The following NUP98 variants were observed in gnomAD, a reference collection of about 807,000 sequenced individuals.
NUP98 encodes the protein nucleoporin 98 and 96 precursor, also known as nuclear pore complex protein Nup98-Nup96.
In NUP98, 26 loss-of-function variants were observed where a neutral mutation model predicts 191.9. That is an observed-to-expected ratio of 0.14 (90% CI 0.10 to 0.19). The LOEUF is 0.19. NUP98 is among the 10% of genes least tolerant of loss of function. The pLI, the probability that NUP98 is intolerant of heterozygous loss-of-function variation, is 1.00. For missense variants in NUP98, 1,941 were observed against 2,178.8 expected (o/e 0.89, Z 2.17); for synonymous variants, 808 against 778.4 (o/e 1.04, Z -0.63).
At chr11:3,724,614 G>GAA (rs2079541349) in intron 15 of NUP98, among the ~76,000 whole-genome samples, 1 of 151,464 alleles carries the variant, frequency 6.6e-6, no homozygotes, top group South Asian at 2.1e-4. Context: ...CTAACAAGGT[G>GAA]AAACGCCGTC....
At chr11:3,722,619 G>C (rs2079446852) in intron 16 of NUP98, among the ~76,000 whole-genome samples, 1 of 152,056 alleles carries the variant, frequency 6.6e-6, no homozygotes, top group South Asian at 2.1e-4. Flanking sequence ...TTGAGCCCAG[G>C]ATTTTGAGAC....
chr11:3,721,701 AAGGG>A (rs1380746286), intron 16 of NUP98, among the ~76,000 whole-genome samples: 1 of 150,976 alleles, frequency 6.6e-6, no homozygotes, highest in Non-Finnish European at 1.5e-5. Flanking sequence ...ACTCGGAAGG[AAGGG>A]AGGGAGGGAG....
chr11:3,679,113 A>T (rs1406982782), intron 31 of NUP98, among the ~76,000 whole-genome samples: 2 of 131,880 alleles, frequency 1.5e-5, no homozygotes, highest in African/African-American at 5.6e-5. Context: ...ACAGAGCAAG[A>T]CTCTGTTCCA....
chr11:3,767,258 G>A (rs767973272), intron 8 of NUP98, among the ~76,000 whole-genome samples: 1 of 151,748 alleles, frequency 6.6e-6, no homozygotes, highest in East Asian at 1.9e-4. Context: ...AGCATGCCCG[G>A]CTGATCCTTT....
At position 3,768,607 on chromosome 11, in the gene NUP98, T is replaced by C. The variant is rs753633890; in HGVS notation, c.922A>G (p.Ile308Val). 3.1e-6 allele frequency: 5 copies of C among 1,603,820 alleles called. No individual in the cohort carries two copies. The highest frequency in any genetic ancestry group is 2.7e-5 in the African/African-American group (2 of 74,154). Residue 308 changes from isoleucine to valine, a missense_variant, in exon 8 of 33, where the codon ATA becomes GTA. Ile to Val is a conservative substitution (Grantham distance 29). Around this residue, in one of 6 missense-constraint regions of NUP98, gnomAD observed 181 missense variants for 228.0 expected, o/e 0.79. Transcript: ENST00000324932. ...ATGGTGTTGGTGCTTGGCTGTCCTA[T>C]GGTGCTGGTATTACCAAAGGAAAAG... ...TGFSFGNTST[I>V]GQPSTNTMGL...
At chr11:3,742,441 C>A (rs1428717882) in intron 12 of NUP98, among the ~76,000 whole-genome samples, 1 of 152,046 alleles carries the variant, frequency 6.6e-6, no homozygotes, top group Non-Finnish European at 1.5e-5. Flanking sequence ...TGGCTCACAC[C>A]TGTAATCTCA....
At chr11:3,785,010 C>T (rs1018032328) in intron 1 of NUP98, among the ~76,000 whole-genome samples, 3 of 151,866 alleles carry the variant, frequency 2.0e-5, no homozygotes, top group Non-Finnish European at 2.9e-5. Context: ...TGGTGGCAGG[C>T]GCCTGCCGTC....
rs376676025 is a variant in NUP98, at chr11:3,776,013, T to C, written c.364A>G (p.Thr122Ala). Residue 122 changes from threonine to alanine, a missense_variant, in exon 5 of 33, where the codon ACC (threonine) becomes GCC (alanine). Thr to Ala is a moderately conservative substitution (Grantham distance 58, BLOSUM62 0). Transcript: ENST00000324932. ...AAGAGTCCTCCACTGCTAGTACTGG[T>C]TCCAAAATCTAAAAATAAGAAAGAA... is the stretch of plus-strand genomic sequence containing the variant. ...NKPTGFGNFGTSTSSGGLFGT... is the reference protein window; with the variant it reads ...NKPTGFGNFGASTSSGGLFGT... 56 of 1,600,394 alleles carry C rather than the reference T, an allele frequency of 3.5e-5. No homozygotes were observed. Among genetic ancestry groups the C allele is most frequent in the Non-Finnish European group, 4.1e-5 (48 of 1,176,210 alleles).
intron 22 of NUP98, among the ~76,000 whole-genome samples, chr11:3,703,645 C>A (rs1453939686): frequency 6.6e-6 from 1 of 152,154 alleles, no homozygotes; most frequent in South Asian, 2.1e-4. Flanking sequence ...TTAAGTCTGG[C>A]ACCACTCCTC....
intron 10 of NUP98, among the ~76,000 whole-genome samples, chr11:3,756,783 T>A (rs879818915): frequency 1.5e-4 from 23 of 152,156 alleles, no homozygotes; most frequent in Admixed American, 1.4e-3. Flanking sequence ...TAACATCAAA[T>A]ATATCTTTAA....
Position 3,723,215 on chromosome 11 carries a change from C to G in NUP98, c.2088G>C (p.Glu696Asp). 6.2e-7 allele frequency: 1 copy of G among 1,614,130 alleles called. No homozygotes were observed. The highest frequency in any genetic ancestry group is 1.3e-5 in the African/African-American group (1 of 75,026). ...GSSEETSFHD[E>D]SLQDDREEIE... The stretch of plus-strand genomic sequence containing the variant: ...TTTCTTCTCGGTCATCCTGAAGTGA[C>G]TCATCATGAAAAGACGTTTCTTCAC... Residue 696 changes from glutamate (E) to aspartate (D), a missense_variant, in exon 16 of 33, where the codon GAG becomes GAC. Coordinates refer to ENST00000324932, the MANE Select transcript of NUP98 (RefSeq NM_016320.5).
At chr11:3,686,759 G>A (rs11029027) in intron 28 of NUP98, among the ~76,000 whole-genome samples, 2,471 of 152,218 alleles carry the variant, frequency 0.016, 72 homozygotes, top group South Asian at 0.15. Flanking sequence ...TGAGGTGGGC[G>A]GATCACTTGA....
At chr11:3,790,793 C>A (rs1353524334) in intron 1 of NUP98, among the ~76,000 whole-genome samples, 1 of 152,138 alleles carries the variant, frequency 6.6e-6, no homozygotes, top group Non-Finnish European at 1.5e-5. Flanking sequence ...GGGAAATACT[C>A]AAAAACTTCT....
At chr11:3,684,461 C>G (rs2078076100) in intron 29 of NUP98, among the ~76,000 whole-genome samples, 1 of 152,076 alleles carries the variant, frequency 6.6e-6, no homozygotes, top group Admixed American at 6.6e-5. Context: ...TCACAACTGC[C>G]TCCTTTTTTA....
In NUP98 at chr11:3,683,165, G is replaced by C. The variant is rs1036374354; in HGVS notation, c.4918+35C>G. On this transcript the variant is annotated intron_variant, in intron 30 of 32. Transcript: ENST00000324932. ...GAGGTTCAGAGGTTGGAGGAATTTG[G>C]GGTGATTCCAGGAGATGTGGAACCC... The C allele has an allele frequency of 3.1e-6, 5 of 1,611,628 alleles. No homozygotes were observed. The African/African-American group carries it at 5.3e-5, about 17-fold the overall frequency.
At position 3,679,616 on chromosome 11, in the gene NUP98, T is replaced by C; in HGVS notation, c.5011A>G (p.Thr1671Ala). The C allele has an allele frequency of 1.9e-6, 3 of 1,614,200 alleles. No homozygotes were observed. The highest frequency in any genetic ancestry group is 2.5e-6 in the Non-Finnish European group (3 of 1,180,042). The change falls in exon 31 of 33, where the codon ACA becomes GCA. Residue 1671 changes from threonine (T) to alanine (A), a missense_variant. Physicochemically the swap from Thr to Ala is moderately conservative, Grantham distance 58. This residue lies in a region of NUP98 where 1,030 missense variants were observed against 1,115.8 expected (regional missense o/e 0.92). Transcript: ENST00000324932. ...ERSSLIQDWE[T>A]SGLVYLDYIR... ...TAGTCCAGGTAAACAAGCCCAGATGTTTCCCAATCCTGAATTAGGCTGCTG... is the reference window on the plus strand; with the variant it reads ...TAGTCCAGGTAAACAAGCCCAGATGCTTCCCAATCCTGAATTAGGCTGCTG...
chr11:3,723,551 T>C (rs2079490567), intron 15 of NUP98, 96 bp from the exon 16 acceptor site: 3 of 962,204 alleles, frequency 3.1e-6, no homozygotes. Flanking sequence ...TGCCTGGCAC[T>C]GTTCTGGATA....
At chr11:3,792,336 T>G (rs61896920) in intron 1 of NUP98, among the ~76,000 whole-genome samples, 13,492 of 151,896 alleles carry the variant, frequency 0.089, 752 homozygotes, top group African/African-American at 0.15. Flanking sequence ...GGGCCAGGCC[T>G]ATGGGGCTCA....
intron 7 of NUP98, among the ~76,000 whole-genome samples, chr11:3,769,000 C>T (rs2081429641): frequency 6.6e-6 from 1 of 152,184 alleles, no homozygotes; most frequent in African/African-American, 2.4e-5. Flanking sequence ...TCCACAGCTT[C>T]CTTCTGTTTT....
Sources: allele counts gnomAD v4.1 joint callset (sites outside exome capture counted in the v4.1 genomes callset), GRCh38; gene constraint gnomAD v4.1.1; regional missense constraint gnomAD v4.1.1; transcripts MANE v1.5; gene names NCBI Gene and HGNC (gene_info 2026-07-23, HGNC 2026-07-21).